HHAT: variants seen among roughly 807,000 people sequenced by gnomAD.
HHAT encodes hedgehog acyltransferase.
HHAT carries 47 observed loss-of-function variants against 70.8 expected under a neutral mutation model. That is an observed-to-expected ratio of 0.66 (90% CI 0.53 to 0.85). HHAT has a LOEUF of 0.85. Ranked by LOEUF, HHAT falls within the 40% of genes least tolerant of loss-of-function variation. The pLI, the probability that HHAT is intolerant of heterozygous loss-of-function variation, is 0.00. For missense variants in HHAT, 609 were observed against 604.8 expected, an observed-to-expected ratio of 1.01 and a Z score of -0.07; for synonymous variants, 228 against 247.6, an observed-to-expected ratio of 0.92 and a Z score of 0.74.
chr1:210,354,744 G>A (rs2087438249), intron 2 of HHAT, among the ~76,000 whole-genome samples: 1 of 151,942 alleles, frequency 6.6e-6, no homozygotes, highest in Non-Finnish European at 1.5e-5. Flanking sequence ...AATTATTTTT[G>A]ATTTACAAAA....
At chr1:210,546,300 A>G (rs1573213476) in intron 9 of HHAT, among the ~76,000 whole-genome samples, 3 of 152,198 alleles carry the variant, frequency 2.0e-5, no homozygotes, top group South Asian at 4.1e-4. Flanking sequence ...GAATAAAGTG[A>G]TGGGAAAATA....
chr1:210,447,210 T>C (rs958450878), intron 7 of HHAT, among the ~76,000 whole-genome samples: 1 of 152,178 alleles, frequency 6.6e-6, no homozygotes, highest in Admixed American at 6.5e-5. Flanking sequence ...TCATAGTACT[T>C]ACACAGAGAA....
chr1:210,419,953 G>A (rs1467299416), intron 7 of HHAT, among the ~76,000 whole-genome samples: 2 of 152,128 alleles, frequency 1.3e-5, no homozygotes, highest in African/African-American at 4.8e-5. Flanking sequence ...CAATAAGGAA[G>A]TTATTCCATA....
intron 9 of HHAT, among the ~76,000 whole-genome samples, chr1:210,576,641 A>G (rs1215015548): frequency 2.6e-5 from 4 of 152,150 alleles, no homozygotes; most frequent in Non-Finnish European, 5.9e-5. Context: ...CGTTGTGCAC[A>G]TGTACCCTAA....
At chr1:210,622,217 G>A (rs1203098617) in intron 10 of HHAT, among the ~76,000 whole-genome samples, 1 of 152,190 alleles carries the variant, frequency 6.6e-6, no homozygotes, top group Non-Finnish European at 1.5e-5. Context: ...TTGGAACGCA[G>A]CTGAAATTAG....
chr1:210,355,825 G>GGAGTA (rs2087551535), intron 2 of HHAT, among the ~76,000 whole-genome samples: 1 of 152,052 alleles, frequency 6.6e-6, no homozygotes, highest in Non-Finnish European at 1.5e-5. Context: ...AATCTCTTTG[G>GGAGTA]GAGTAGATTC....
intron 11 of HHAT, among the ~76,000 whole-genome samples, chr1:210,669,820 G>C (rs1679718597): frequency 6.6e-6 from 1 of 152,226 alleles, no homozygotes; most frequent in African/African-American, 2.4e-5. Context: ...ATAGCATACT[G>C]CCCACCAGGC....
intron 6 of HHAT, among the ~76,000 whole-genome samples, chr1:210,410,333 G>A (rs1553350717): frequency 6.6e-6 from 1 of 151,432 alleles, no homozygotes. Context: ...TGGGATTGCA[G>A]GCGTGAGCCA....
At chr1:210,370,224 G>T (rs1191769863) in intron 3 of HHAT, among the ~76,000 whole-genome samples, 3 of 144,908 alleles carry the variant, frequency 2.1e-5, no homozygotes, top group African/African-American at 5.2e-5. Context: ...CACCCAGGCT[G>T]GAGTGCAGTG....
At chr1:210,397,620 A>T (rs1213477424) in intron 4 of HHAT, among the ~76,000 whole-genome samples, 4 of 151,742 alleles carry the variant, frequency 2.6e-5, no homozygotes, top group Non-Finnish European at 4.4e-5. Flanking sequence ...CTTAATACTG[A>T]TAGTTAAGCA....
At chr1:210,509,100 C>T (rs2094911356) in intron 8 of HHAT, among the ~76,000 whole-genome samples, 1 of 152,156 alleles carries the variant, frequency 6.6e-6, no homozygotes. Flanking sequence ...TGGCAAAGAC[C>T]ACATGCAATT....
intron 9 of HHAT, among the ~76,000 whole-genome samples, chr1:210,587,384 A>T (rs779912668): frequency 6.6e-6 from 1 of 152,198 alleles, no homozygotes; most frequent in African/African-American, 2.4e-5. Context: ...CTTATTCGCT[A>T]TCATGAGAAC....
chr1:210,624,508 G>A (rs1669470762), intron 11 of HHAT, among the ~76,000 whole-genome samples: 1 of 152,080 alleles, frequency 6.6e-6, no homozygotes, highest in Admixed American at 6.5e-5. Flanking sequence ...CTCTCCTGAA[G>A]CTGTGGGCAT....
intron 9 of HHAT, among the ~76,000 whole-genome samples, chr1:210,583,264 T>C (rs1659672658): frequency 6.6e-6 from 1 of 152,178 alleles, no homozygotes; most frequent in South Asian, 2.1e-4. Flanking sequence ...GAGATGCTTT[T>C]AAATTAAGAA....
chr1:210,667,687 C>T (rs1403888989), intron 11 of HHAT, among the ~76,000 whole-genome samples: 2 of 152,212 alleles, frequency 1.3e-5, no homozygotes, highest in African/African-American at 4.8e-5. Context: ...GGCCCCTGCA[C>T]AACCTGTCGC....
intron 9 of HHAT, among the ~76,000 whole-genome samples, chr1:210,557,332 A>G (rs570142393): frequency 9.2e-5 from 14 of 152,334 alleles, no homozygotes; most frequent in African/African-American, 3.4e-4. Flanking sequence ...TGAGTCCAAG[A>G]TAAGCCAATC....
chr1:210,488,529 G>C (rs899265846), intron 8 of HHAT, among the ~76,000 whole-genome samples: 6 of 152,186 alleles, frequency 3.9e-5, no homozygotes, highest in African/African-American at 1.4e-4. Context: ...TACACCAACA[G>C]CCCAAACAAT....
intron 8 of HHAT, among the ~76,000 whole-genome samples, chr1:210,468,136 G>A (rs560424588): frequency 2.6e-4 from 40 of 152,168 alleles, no homozygotes; most frequent in South Asian, 2.1e-3. Flanking sequence ...GTGTATTCCC[G>A]CTTGCATGAT....
chr1:210,564,883 A>G (rs1654283843), intron 9 of HHAT, among the ~76,000 whole-genome samples: 1 of 152,154 alleles, frequency 6.6e-6, no homozygotes, highest in Non-Finnish European at 1.5e-5. Flanking sequence ...GGTCACTTAG[A>G]GACTGTGTGT....
Sources: allele counts gnomAD v4.1 joint callset (sites outside exome capture counted in the v4.1 genomes callset), GRCh38; gene constraint gnomAD v4.1.1; transcripts MANE v1.5; gene names NCBI Gene and HGNC (gene_info 2026-07-23, HGNC 2026-07-21).